Variants in SMARCC2 observed in about 807,000 individuals in gnomAD.
The protein encoded by SMARCC2 is SWI/SNF complex subunit SMARCC2.
Under a neutral mutation model 151.3 loss-of-function variants are expected in SMARCC2, and 15 were observed. The observed-to-expected ratio is 0.10, with a 90% confidence interval of 0.07 to 0.15. The LOEUF is 0.15. Ranked by LOEUF, SMARCC2 falls within the 10% of genes least tolerant of loss-of-function variation. The probability of loss-of-function intolerance (pLI) is 1.00; values close to 1 mark genes in which losing one functional copy is unlikely to be tolerated. For synonymous variants in SMARCC2, 590 were observed against 609.5 expected, an observed-to-expected ratio of 0.97 and a Z score of 0.47; for missense variants, 1,031 against 1,599.7, an observed-to-expected ratio of 0.64 and a Z score of 6.06.
At chr12:56,172,001 C>T in intron 20 of SMARCC2, 64 bp from the exon 21 acceptor site, 1 of 1,488,020 alleles carries the variant, frequency 6.7e-7, no homozygotes, top group East Asian at 2.3e-5. Flanking sequence ...GCTGACTCCC[C>T]CCATCCTACT....
Position 56,169,894 on chromosome 12 carries a change from C to T in SMARCC2, c.2430G>A (p.Gly810=), listed in dbSNP as rs1459848670. Residue 810 remains glycine (G), a synonymous_variant, in exon 24 of 29, where the codon GGG becomes GGA. Coordinates refer to ENST00000550164, the MANE Select transcript of SMARCC2 (RefSeq NM_001330288.2). The stretch of plus-strand genomic sequence containing the variant: ...CTTTTGCTTCCTCCTCTATAGCACC[C>T]CCTCCTTCTCGGGGTTCCTGAAATT... ...KKEPKEPREG[G]GAIEEEAKEK... 3 of 1,613,948 alleles carry T rather than the reference C, an allele frequency of 1.9e-6. No individual in the cohort carries two copies. In the South Asian group the frequency reaches 3.3e-5, roughly 18 times the overall value.
In SMARCC2 at chr12:56,173,861, GAGGCAGAGAC is replaced by G. The variant is rs767786354; in HGVS notation, c.1497-22_1497-13del. On this transcript the variant is annotated splice_polypyrimidine_tract_variant and intron_variant, in intron 16 of 28. Transcript: ENST00000550164. Reference sequence around the variant, plus strand: ...GGAAGGCATGGACCCTGTGCAGAGAGAGGCAGAGACAGGGTCACACGGATAGCCAGAAAGG... The same window carrying G: ...GGAAGGCATGGACCCTGTGCAGAGAGAGGGTCACACGGATAGCCAGAAAGG... 1 of 1,609,920 alleles carries G rather than the reference GAGGCAGAGAC, an allele frequency of 6.2e-7. No individual in the cohort carries two copies. The highest frequency in any genetic ancestry group is 8.5e-7 in the Non-Finnish European group (1 of 1,177,402).
intron 3 of SMARCC2, chr12:56,185,590 T>C (rs535590063): frequency 1.4e-4 from 24 of 169,494 alleles, no homozygotes; most frequent in Non-Finnish European, 2.4e-4. Flanking sequence ...GCCATTCTCC[T>C]GCCTCAGCCT....
chr12:56,165,262 T>G, intron 27 of SMARCC2, 56 bp downstream of exon 27: 2 of 1,451,924 alleles, frequency 1.4e-6, no homozygotes, highest in Non-Finnish European at 1.8e-6. Flanking sequence ...TGAGGAGAAC[T>G]GGGACATTCA....
In SMARCC2 at chr12:56,165,248, CCT is replaced by C. The variant is rs1872558736; in HGVS notation, c.3232+68_3232+69del. 2.8e-6 allele frequency: 4 copies of C among 1,435,816 alleles called. No homozygotes were observed. The African/African-American group carries it at 5.8e-5, about 21-fold the overall frequency. The allele number at this position is 1,435,816 out of a possible 1,614,324, so 88.9% of individuals were successfully genotyped here. ...TCATCTCCACACTCATCTTGTATCC[CCT>C]TTGAGGAGAACTGGGACATTCACCT... On this transcript the variant is annotated intron_variant, in intron 27 of 28. Transcript: ENST00000550164.
intron 22 of SMARCC2, 88 bp from the exon 23 acceptor site, chr12:56,170,296 G>T (rs1439661252): frequency 2.5e-6 from 3 of 1,180,696 alleles, no homozygotes; most frequent in Admixed American, 3.7e-5. Flanking sequence ...TAGAGACAGG[G>T]TCTTGCTGTG....
chr12:56,182,008 C>T lies in SMARCC2; in HGVS notation c.704G>A (p.Arg235Lys). 1 of 1,610,858 alleles carries T rather than the reference C, an allele frequency of 6.2e-7. No homozygotes were observed. Among genetic ancestry groups the T allele is most frequent in the Non-Finnish European group, 8.5e-7 (1 of 1,178,092 alleles). ...VEDAPTPEKP[R>K]KVHAKWILDT... is the part of the protein sequence containing the mutation. The stretch of plus-strand genomic sequence containing the variant: ...GGGGATACAAGAAAAGCTCACCTTC[C>T]TAGGTTTCTCAGGAGTTGGAGCATC... Residue 235 changes from arginine to lysine, a missense_variant, in exon 8 of 29, where the codon AGG becomes AAG. Transcript: ENST00000550164.
At chr12:56,177,110 C>T (rs1249330028) in intron 15 of SMARCC2, among the ~76,000 whole-genome samples, 4 of 152,114 alleles carry the variant, frequency 2.6e-5, no homozygotes, top group Non-Finnish European at 4.4e-5. Flanking sequence ...CATGAGCCAC[C>T]GCGCCTGGTC....
chr12:56,173,369 T>C (rs190333578), intron 17 of SMARCC2, among the ~76,000 whole-genome samples: 4 of 152,174 alleles, frequency 2.6e-5, no homozygotes, highest in South Asian at 4.1e-4. Flanking sequence ...GAGGCAAAAA[T>C]GAAAAAATGT....
At position 56,172,641 on chromosome 12, in the gene SMARCC2, T is replaced by C. The variant is rs1468769228; in HGVS notation, c.1807A>G (p.Met603Val). The C allele has an allele frequency of 3.1e-6, 5 of 1,614,216 alleles. No individual in the cohort carries two copies. Among genetic ancestry groups the C allele is most frequent in the Middle Eastern group, 1.6e-4 (1 of 6,062 alleles). Residue 603 changes from methionine to valine, a missense_variant, in exon 19 of 29, where the codon ATG (methionine) becomes GTG (valine). Around this residue, in one of 12 missense-constraint regions of SMARCC2, gnomAD observed 99 missense variants for 148.3 expected, o/e 0.67. Coordinates refer to ENST00000550164, the MANE Select transcript of SMARCC2 (RefSeq NM_001330288.2). The part of the protein sequence containing the change: ...PDKGKEKPTD[M>V]QNFGLRTDMY... ...TCTGTGCGCAGCCCAAAGTTTTGCA[T>C]GTCTGTTGGTTTCTCTTTGCCTTTG...
In SMARCC2 at chr12:56,164,370, T is replaced by C; in HGVS notation, c.3594A>G (p.Ala1198=). 1 of 1,613,700 alleles carries C rather than the reference T, an allele frequency of 6.2e-7. No individual in the cohort carries two copies. Among genetic ancestry groups the C allele is most frequent in the East Asian group, 2.2e-5 (1 of 44,884 alleles). Residue 1198 remains alanine (A), a synonymous_variant, in exon 28 of 29, where the codon GCA becomes GCG. Transcript: ENST00000550164. The part of the protein sequence containing the change: ...LPLGPGLGSA[A]AQSPAIVAAV... ...CTGCCACAATGGCAGGGCTTTGGGC[T>C]GCGGCGGATCCGAGCCCCGGCCCGA... is the stretch of plus-strand genomic sequence containing the variant.
At chr12:56,165,721 T>C in intron 26 of SMARCC2, 22 bp from the exon 27 acceptor site, 2 of 1,603,490 alleles carry the variant, frequency 1.2e-6, no homozygotes, top group African/African-American at 1.3e-5. Flanking sequence ...AATTGAGTAT[T>C]GTTATCCAAT....
At position 56,169,381 on chromosome 12, in the gene SMARCC2, G is replaced by A. The variant is rs112364275; in HGVS notation, c.2715+148C>T. On this transcript the variant is annotated intron_variant, in intron 25 of 28. Transcript: ENST00000550164. ...ATTTTTTAAAGCTTAGAGAAGGGAT[G>A]ACTAACTTTACCTCCTCCTGAGATA... 4.7e-5 allele frequency: 47 copies of A among 990,176 alleles called. 1 individual carries two copies. In the African/African-American group the frequency reaches 6.0e-4, roughly 13 times the overall value. The allele number at this position is 990,176 out of a possible 1,614,324, so 61.3% of individuals were successfully genotyped here. A position where few individuals can be genotyped will look rare whatever the true frequency, so the allele number is the denominator to read the frequency against.
chr12:56,179,178 T>C, intron 11 of SMARCC2, 122 bp from the exon 12 acceptor site: 1 of 760,806 alleles, frequency 1.3e-6, no homozygotes, highest in Non-Finnish European at 2.2e-6. Context: ...AATATAGTAA[T>C]TCTCTCCAGT....
chr12:56,179,832 G>A (rs981398624), intron 11 of SMARCC2, among the ~76,000 whole-genome samples: 3 of 151,450 alleles, frequency 2.0e-5, no homozygotes, highest in African/African-American at 7.3e-5. Context: ...GATTACAGGC[G>A]CCCACCACCA....
chr12:56,168,122 A>C lies in SMARCC2; in HGVS notation c.2788T>G (p.Leu930Val). 6.2e-7 allele frequency: 1 copy of C among 1,614,062 alleles called. No homozygotes were observed. The highest frequency in any genetic ancestry group is 8.5e-7 in the Non-Finnish European group (1 of 1,180,008). ...TCAAAGTGCCGAAGTTTGATCTCCA[A>C]CTTTTTCATCTGGGTCTCCACCAGC... ...ALLVETQMKK[L>V]EIKLRHFEEL... Residue 930 changes from leucine to valine, a missense_variant, in exon 26 of 29, where the codon TTG (leucine) becomes GTG (valine). By Grantham distance (32) the Leu-to-Val change is conservative. Transcript: ENST00000550164.
At chr12:56,180,187 C>T (rs942615462) in intron 11 of SMARCC2, among the ~76,000 whole-genome samples, 1 of 151,692 alleles carries the variant, frequency 6.6e-6, no homozygotes, top group African/African-American at 2.4e-5. Flanking sequence ...CAGCTCACTG[C>T]AAGCTCCGCC....
chr12:56,177,172 C>T (rs1875181341), intron 15 of SMARCC2, among the ~76,000 whole-genome samples: 1 of 151,692 alleles, frequency 6.6e-6, no homozygotes, highest in African/African-American at 2.4e-5. Flanking sequence ...TCGCGATCTC[C>T]TGACCTTGTG....
intron 3 of SMARCC2, chr12:56,185,673 T>C: frequency 6.0e-6 from 1 of 167,180 alleles, no homozygotes; most frequent in Non-Finnish European, 1.3e-5. Flanking sequence ...AGATGGGGTT[T>C]TGCCAAGTTG....
Sources: gnomAD v4.1 joint callset for allele counts (sites outside exome capture counted in the v4.1 genomes callset) on GRCh38, gnomAD v4.1.1 for gene constraint, gnomAD v4.1.1 regional missense constraint, MANE v1.5 for transcripts, NCBI Gene and HGNC (gene_info 2026-07-23, HGNC 2026-07-21) for gene names.